The following PRKACB variants were observed in gnomAD, a reference collection of about 807,000 sequenced individuals.
The protein encoded by PRKACB is cAMP-dependent protein kinase catalytic subunit beta.
PRKACB carries 16 observed loss-of-function variants against 51.4 expected under a neutral mutation model. The ratio of observed to expected loss-of-function variants is 0.31; its 90% CI spans 0.21 to 0.47. The LOEUF is 0.47. Among genes scored for constraint, PRKACB ranks in the 20% least tolerant of loss-of-function variants. PRKACB has a pLI of 1.00. For missense variants in PRKACB, 309 were observed against 464.5 expected (o/e 0.67, Z 3.08); for synonymous variants, 147 against 154.4 (o/e 0.95, Z 0.35).
chr1:84,202,891 A>G (rs1670531233), intron 8 of PRKACB, 86 bp downstream of exon 8: 2 of 1,143,900 alleles, frequency 1.7e-6, no homozygotes, highest in South Asian at 4.8e-5. Context: ...TGTCATAATT[A>G]TTATTCTACA....
intron 9 of PRKACB, among the ~76,000 whole-genome samples, chr1:84,220,396 A>G (rs1572521142): frequency 6.6e-6 from 1 of 152,048 alleles, no homozygotes; most frequent in African/African-American, 2.4e-5. Context: ...AAGGAGGGGC[A>G]TTGTATTTAG....
chr1:84,081,887 A>C (rs149279113), intron 1 of PRKACB, among the ~76,000 whole-genome samples: 87 of 152,342 alleles, frequency 5.7e-4, no homozygotes, highest in African/African-American at 2.0e-3. Flanking sequence ...TAGTGTTCGC[A>C]TATGATCTTT....
intron 1 of PRKACB, among the ~76,000 whole-genome samples, chr1:84,117,019 A>T (rs1466204788): frequency 6.6e-6 from 1 of 151,450 alleles, no homozygotes; most frequent in Non-Finnish European, 1.5e-5. Flanking sequence ...GAGTTTTGTT[A>T]TGAAGGGATG....
intron 1 of PRKACB, among the ~76,000 whole-genome samples, chr1:84,148,091 A>G (rs1654355538): frequency 6.6e-6 from 1 of 152,180 alleles, no homozygotes; most frequent in South Asian, 2.1e-4. Flanking sequence ...AACGCTTTTG[A>G]CGTGACAGTC....
intron 5 of PRKACB, among the ~76,000 whole-genome samples, chr1:84,194,340 C>T (rs184500313): frequency 6.6e-6 from 1 of 152,134 alleles, no homozygotes; most frequent in African/African-American, 2.4e-5. Context: ...TGAAGGAATT[C>T]ACACTGAGAC....
intron 5 of PRKACB, among the ~76,000 whole-genome samples, chr1:84,186,718 G>A (rs552487209): frequency 1.3e-5 from 2 of 152,128 alleles, no homozygotes; most frequent in Admixed American, 6.6e-5. Flanking sequence ...GTGCTCGGAT[G>A]GACTTGTTCT....
intron 9 of PRKACB, among the ~76,000 whole-genome samples, chr1:84,234,288 T>C (rs908819678): frequency 8.5e-5 from 13 of 152,298 alleles, no homozygotes; most frequent in South Asian, 2.1e-4. Flanking sequence ...TCTCCAGCTG[T>C]GTGCTGGGAG....
At chr1:84,194,828 C>T (rs1667764554) in intron 5 of PRKACB, among the ~76,000 whole-genome samples, 1 of 151,984 alleles carries the variant, frequency 6.6e-6, no homozygotes, top group African/African-American at 2.4e-5. Context: ...GTCCCAGCTA[C>T]TCGGTAGACT....
chr1:84,181,733 CT>C, intron 2 of PRKACB: 1 of 1,505,546 alleles, frequency 6.6e-7, no homozygotes. Flanking sequence ...TCACAGGTAA[CT>C]TTAGTGAAAG....
intron 1 of PRKACB, chr1:84,085,790 G>A: frequency 2.6e-6 from 1 of 386,292 alleles, no homozygotes; most frequent in African/African-American, 2.1e-5. Context: ...GTCGTCTCCA[G>A]GAAGCCCTCT....
intron 8 of PRKACB, chr1:84,204,701 T>G: frequency 1.0e-6 from 1 of 983,286 alleles, no homozygotes; most frequent in Non-Finnish European, 1.3e-6. Context: ...TTCAAATCAT[T>G]TAATTGACAG....
intron 4 of PRKACB, 80 bp downstream of exon 4, chr1:84,184,215 A>G: frequency 1.6e-6 from 2 of 1,230,778 alleles, no homozygotes; most frequent in Non-Finnish European, 2.3e-6. Flanking sequence ...ATTCTAAACC[A>G]GATGATAAGC....
chr1:84,180,123 T>C (rs977057612), intron 2 of PRKACB, among the ~76,000 whole-genome samples: 1 of 133,506 alleles, frequency 7.5e-6, no homozygotes, highest in African/African-American at 2.7e-5. Context: ...CAATTCACAA[T>C]TGCAAAATAG....
chr1:84,128,659 C>G (rs1651875951), intron 1 of PRKACB, among the ~76,000 whole-genome samples: 2 of 152,008 alleles, frequency 1.3e-5, no homozygotes, highest in South Asian at 4.2e-4. Flanking sequence ...TGTATATTCT[C>G]TTAGTTGAGC....
intron 1 of PRKACB, among the ~76,000 whole-genome samples, chr1:84,122,806 G>A (rs1327084978): frequency 1.3e-5 from 2 of 152,080 alleles, no homozygotes; most frequent in Admixed American, 6.6e-5. Context: ...GGTAGTTTAT[G>A]TGAGAATTTT....
At chr1:84,229,592 T>G (rs1675247556) in intron 9 of PRKACB, among the ~76,000 whole-genome samples, 1 of 151,444 alleles carries the variant, frequency 6.6e-6, no homozygotes, top group African/African-American at 2.4e-5. Context: ...CTCCAGCACC[T>G]GTTATTTCCT....
At chr1:84,108,788 C>CA (rs920873651) in intron 1 of PRKACB, among the ~76,000 whole-genome samples, 8 of 151,962 alleles carry the variant, frequency 5.3e-5, no homozygotes, top group Non-Finnish European at 1.2e-4. Context: ...TATATTCTGA[C>CA]AAAATTTGCT....
intron 9 of PRKACB, among the ~76,000 whole-genome samples, chr1:84,218,129 T>C (rs1673142658): frequency 6.6e-6 from 1 of 152,204 alleles, no homozygotes; most frequent in African/African-American, 2.4e-5. Context: ...CCTTGATCGT[T>C]TATTGTTTCT....
chr1:84,104,809 C>G (rs1278790375), intron 1 of PRKACB, among the ~76,000 whole-genome samples: 1 of 152,108 alleles, frequency 6.6e-6, no homozygotes, highest in Non-Finnish European at 1.5e-5. Flanking sequence ...CCAGAGAGCC[C>G]TCTGGAACCC....
Sources: allele counts gnomAD v4.1 joint callset (sites outside exome capture counted in the v4.1 genomes callset), GRCh38; gene constraint gnomAD v4.1.1; transcripts MANE v1.5; gene names NCBI Gene and HGNC (gene_info 2026-07-23, HGNC 2026-07-21).